Variants in EPHA4 observed in about 807,000 individuals in gnomAD.
EPHA4 encodes the protein EPH receptor A4.
A neutral mutation model predicts 108.3 loss-of-function variants in EPHA4; 19 were observed. The ratio of observed to expected loss-of-function variants is 0.18; its 90% CI spans 0.12 to 0.26. The LOEUF (loss-of-function observed/expected upper bound fraction) is 0.26. EPHA4 is among the 10% of genes least tolerant of loss of function. The pLI is 1.00. For synonymous variants in EPHA4, 449 were observed against 455.5 expected, an observed-to-expected ratio of 0.99 and a Z score of 0.18; for missense variants, 917 against 1,254.0, an observed-to-expected ratio of 0.73 and a Z score of 4.06.
intron 3 of EPHA4, among the ~76,000 whole-genome samples, chr2:221,560,547 G>A (rs989202916): frequency 5.9e-5 from 9 of 152,120 alleles, no homozygotes; most frequent in South Asian, 2.1e-4. Context: ...GAGTGGTCAG[G>A]GGATGGATTT....
In EPHA4 at chr2:221,507,994, A is replaced by G. The variant is rs184770750; in HGVS notation, c.824-6822T>C. Among the ~76,000 whole-genome samples, 18 of 152,260 alleles carry G rather than the reference A, an allele frequency of 1.2e-4. No homozygotes were observed. In the East Asian group the frequency reaches 2.9e-3, roughly 25 times the overall value. Reference sequence around the variant, plus strand: ...TGCTGGTCCTCACTCCTAGTTTATGATGGTCTGGTGAGTCCTGAGAATTTG... The same window carrying G: ...TGCTGGTCCTCACTCCTAGTTTATGGTGGTCTGGTGAGTCCTGAGAATTTG... On this transcript the variant is annotated intron_variant, in intron 3 of 17. Coordinates refer to ENST00000281821, the MANE Select transcript of EPHA4 (RefSeq NM_004438.5).
chr2:221,466,320 G>A (rs1691313372), intron 5 of EPHA4, among the ~76,000 whole-genome samples: 1 of 152,194 alleles, frequency 6.6e-6, no homozygotes, highest in Admixed American at 6.5e-5. Context: ...TGCTTAAGCA[G>A]ATGAAAACTG....
At chr2:221,551,449 T>C (rs372028723) in intron 3 of EPHA4, among the ~76,000 whole-genome samples, 3 of 152,150 alleles carry the variant, frequency 2.0e-5, no homozygotes, top group Admixed American at 6.5e-5. Flanking sequence ...AAAGTTATGA[T>C]TTTCATACGG....
intron 5 of EPHA4, among the ~76,000 whole-genome samples, chr2:221,475,598 A>G (rs1465253032): frequency 1.3e-5 from 2 of 152,192 alleles, no homozygotes; most frequent in African/African-American, 2.4e-5. Context: ...GATAGTGCCC[A>G]TGTTCGCTTT....
chr2:221,496,501 C>A (rs1056962084), intron 4 of EPHA4, among the ~76,000 whole-genome samples: 1 of 152,156 alleles, frequency 6.6e-6, no homozygotes, highest in African/African-American at 2.4e-5. Flanking sequence ...GCCTGACTTA[C>A]GACTATATCT....
chr2:221,419,350 TAACCTC>T lies in EPHA4; in HGVS notation c.*2016_*2021del, dbSNP rs1413330636. On this transcript the variant is annotated 3_prime_UTR_variant, in exon 18 of 18. Transcript: ENST00000281821. ...TGAGGCCATTTCATCCCAACTACCT[TAACCTC>T]AAGAGTCACTGGCATGTATTTTTCT... The T allele has an allele frequency of 7.9e-5, 12 of 152,618 alleles. No homozygotes were observed. The highest frequency in any genetic ancestry group is 2.9e-5 in the Non-Finnish European group (2 of 68,028). 9.5% of individuals were successfully genotyped at this position (152,618 alleles called of 1,614,324 possible).
At chr2:221,427,420 C>T (rs1460163453) in intron 15 of EPHA4, among the ~76,000 whole-genome samples, 1 of 152,140 alleles carries the variant, frequency 6.6e-6, no homozygotes. Context: ...TGGAATTCTG[C>T]CTTTCCTAAT....
chr2:221,540,602 A>G (rs1693805690), intron 3 of EPHA4, among the ~76,000 whole-genome samples: 1 of 152,218 alleles, frequency 6.6e-6, no homozygotes, highest in Non-Finnish European at 1.5e-5. Context: ...TGAAGTAGGA[A>G]AGGCAATCAC....
chr2:221,542,316 T>C (rs1693861764), intron 3 of EPHA4, among the ~76,000 whole-genome samples: 1 of 152,198 alleles, frequency 6.6e-6, no homozygotes, highest in African/African-American at 2.4e-5. Flanking sequence ...GGAAACAAGT[T>C]TATGGACTGC....
At chr2:221,497,781 T>C (rs112755389) in intron 4 of EPHA4, among the ~76,000 whole-genome samples, 31 of 152,190 alleles carry the variant, frequency 2.0e-4, no homozygotes, top group African/African-American at 7.0e-4. Context: ...GCACAAGACC[T>C]TGAAGTAGTA....
chr2:221,451,211 CTCAA>C (rs1288071587), intron 8 of EPHA4, among the ~76,000 whole-genome samples: 4 of 152,162 alleles, frequency 2.6e-5, no homozygotes, highest in South Asian at 4.1e-4. Flanking sequence ...GAGACTCTGT[CTCAA>C]TCAATCAATC....
intron 4 of EPHA4, 112 bp from the exon 5 acceptor site, chr2:221,482,802 A>G (rs1691864724): frequency 1.1e-6 from 1 of 930,604 alleles, no homozygotes; most frequent in African/African-American, 1.7e-5. Context: ...CCCACTTGGC[A>G]AAGAAAGCAA....
intron 3 of EPHA4, among the ~76,000 whole-genome samples, chr2:221,537,745 G>C (rs1400402244): frequency 1.3e-5 from 2 of 152,184 alleles, no homozygotes; most frequent in East Asian, 3.8e-4. Flanking sequence ...AGCTATGATG[G>C]TGCCATTGCA....
intron 4 of EPHA4, among the ~76,000 whole-genome samples, chr2:221,493,729 G>A (rs116102099): frequency 1.3e-3 from 194 of 152,256 alleles, no homozygotes; most frequent in Non-Finnish European, 2.0e-3. Flanking sequence ...ATACAGCAGC[G>A]CACTAAATTC....
intron 3 of EPHA4, among the ~76,000 whole-genome samples, chr2:221,513,381 G>A (rs528894293): frequency 2.1e-4 from 32 of 152,166 alleles, no homozygotes; most frequent in Admixed American, 1.3e-3. Flanking sequence ...GATTAACTCC[G>A]GCAGCAGCAT....
At chr2:221,436,694 GGTATCT>G in intron 12 of EPHA4, 86 bp from the exon 13 acceptor site, 1 of 1,357,666 alleles carries the variant, frequency 7.4e-7, no homozygotes, top group Non-Finnish European at 1.0e-6. Flanking sequence ...AATCTTTTTG[GGTATCT>G]GTATCCGGTA....
chr2:221,562,264 T>C (rs1035664514), intron 3 of EPHA4, among the ~76,000 whole-genome samples: 24 of 152,150 alleles, frequency 1.6e-4, no homozygotes, highest in African/African-American at 5.8e-4. Flanking sequence ...CCACTCTTTT[T>C]TCTATTTACC....
chr2:221,424,444 T>G (rs1401783492), intron 17 of EPHA4, among the ~76,000 whole-genome samples: 1 of 150,332 alleles, frequency 6.7e-6, no homozygotes, highest in African/African-American at 2.5e-5. Context: ...AATCAGCAAC[T>G]CTTGTTTAAA....
At chr2:221,508,181 T>A (rs1692689373) in intron 3 of EPHA4, among the ~76,000 whole-genome samples, 1 of 152,310 alleles carries the variant, frequency 6.6e-6, no homozygotes, top group South Asian at 2.1e-4. Context: ...AACCACCTCA[T>A]CCTTTCTCTA....
Sources: allele counts gnomAD v4.1 joint callset (sites outside exome capture counted in the v4.1 genomes callset), GRCh38; gene constraint gnomAD v4.1.1; transcripts MANE v1.5; gene names NCBI Gene and HGNC (gene_info 2026-07-23, HGNC 2026-07-21).